Variants in ITPRID1 observed in about 807,000 individuals in gnomAD.
ITPRID1 encodes protein ITPRID1.
Under a neutral mutation model 95.4 loss-of-function variants are expected in ITPRID1, and 96 were observed. That is an observed-to-expected ratio of 1.01 (90% CI 0.85 to 1.19). The LOEUF is 1.19. Ranked by LOEUF, ITPRID1 falls within the 50% of genes most tolerant of loss-of-function variation. The probability of loss-of-function intolerance (pLI) is 0.00; values close to 1 mark genes in which losing one functional copy is unlikely to be tolerated. For missense variants in ITPRID1, 1,339 were observed against 1,252.9 expected (o/e 1.07, Z -1.04); for synonymous variants, 510 against 453.6 (o/e 1.12, Z -1.58).
At chr7:31,586,468 T>G (rs1323359588) in intron 10 of ITPRID1, among the ~76,000 whole-genome samples, 1 of 151,616 alleles carries the variant, frequency 6.6e-6, no homozygotes, top group African/African-American at 2.4e-5. Context: ...AGTGTAAAAG[T>G]ATTCCTATTT....
intron 7 of ITPRID1, among the ~76,000 whole-genome samples, chr7:31,573,909 A>G (rs531224466): frequency 6.6e-6 from 1 of 151,806 alleles, no homozygotes; most frequent in East Asian, 1.9e-4. Context: ...ATTTCCAGCT[A>G]ATTGATGTTT....
In ITPRID1 at chr7:31,553,153, G is replaced by C. The variant is rs1335448696; in HGVS notation, c.129G>C (p.Glu43Asp). ...ATGAGTGGCTGCCCCCTGACCCTGA[G>C]GAGGAAAGCCAGAGTCTCACCATCC... ...PLDEWLPPDP[E>D]EESQSLTIPM... The change falls in exon 3 of 15, where the codon GAG (glutamate) becomes GAC (aspartate). Residue 43 changes from glutamate (E) to aspartate (D), a missense_variant. Transcript: ENST00000615280. The C allele has an allele frequency of 6.3e-7, 1 of 1,589,344 alleles. No individual in the cohort carries two copies. The highest frequency in any genetic ancestry group is 1.1e-5 in the South Asian group (1 of 87,376).
intron 10 of ITPRID1, among the ~76,000 whole-genome samples, chr7:31,621,173 AAAAC>A (rs1185581501): frequency 1.9e-4 from 29 of 152,342 alleles, no homozygotes; most frequent in African/African-American, 5.3e-4. Context: ...ACCAAACTGG[AAAAC>A]AATCTGCAGG....
intron 10 of ITPRID1, among the ~76,000 whole-genome samples, chr7:31,620,878 A>G (rs1193727616): frequency 1.3e-5 from 2 of 152,078 alleles, no homozygotes; most frequent in Admixed American, 6.5e-5. Flanking sequence ...AGACGAATGT[A>G]TAACTAGAAT....
intron 12 of ITPRID1, among the ~76,000 whole-genome samples, chr7:31,650,849 C>A (rs963408263): frequency 2.0e-5 from 3 of 152,162 alleles, no homozygotes; most frequent in African/African-American, 7.2e-5. Flanking sequence ...CTACCTACAT[C>A]CTTGCATCCC....
intron 9 of ITPRID1, among the ~76,000 whole-genome samples, chr7:31,581,971 T>C (rs1785420721): frequency 6.6e-6 from 1 of 152,242 alleles, no homozygotes; most frequent in African/African-American, 2.4e-5. Context: ...TTGTTATGGT[T>C]GAGCTATATT....
intron 5 of ITPRID1, among the ~76,000 whole-genome samples, chr7:31,565,297 G>A (rs1784759018): frequency 6.6e-6 from 1 of 152,144 alleles, no homozygotes; most frequent in African/African-American, 2.4e-5. Flanking sequence ...TTAAAATGAG[G>A]TTCATCTTGT....
At chr7:31,626,495 T>G (rs1485402043) in intron 10 of ITPRID1, among the ~76,000 whole-genome samples, 1 of 152,260 alleles carries the variant, frequency 6.6e-6, no homozygotes, top group Non-Finnish European at 1.5e-5. Flanking sequence ...ATTTCCTTTC[T>G]GTAGTATGCT....
intron 10 of ITPRID1, among the ~76,000 whole-genome samples, chr7:31,600,266 A>G (rs1227387393): frequency 1.3e-5 from 2 of 152,244 alleles, no homozygotes; most frequent in Non-Finnish European, 2.9e-5. Context: ...GAAGGAATAT[A>G]ACAATATGTA....
intron 5 of ITPRID1, among the ~76,000 whole-genome samples, chr7:31,557,497 C>T (rs937224922): frequency 1.3e-5 from 2 of 152,114 alleles, no homozygotes; most frequent in African/African-American, 4.8e-5. Context: ...CTGTCATGGT[C>T]ATCTGCAGCT....
intron 10 of ITPRID1, among the ~76,000 whole-genome samples, chr7:31,593,830 A>G (rs939121922): frequency 1.4e-4 from 22 of 152,230 alleles, no homozygotes; most frequent in African/African-American, 4.1e-4. Flanking sequence ...TTTTAAAATT[A>G]TAGTACATCC....
At chr7:31,551,236 A>G (rs1186348992) in intron 2 of ITPRID1, among the ~76,000 whole-genome samples, 1 of 143,862 alleles carries the variant, frequency 7.0e-6, no homozygotes, top group Non-Finnish European at 1.6e-5. Context: ...ATTCATGCTC[A>G]CAAGATAAAG....
At chr7:31,588,187 G>C (rs927441447) in intron 10 of ITPRID1, among the ~76,000 whole-genome samples, 1 of 152,048 alleles carries the variant, frequency 6.6e-6, no homozygotes, top group Non-Finnish European at 1.5e-5. Flanking sequence ...CTACATAAAG[G>C]TACTGAAGAG....
intron 5 of ITPRID1, among the ~76,000 whole-genome samples, chr7:31,561,039 G>C (rs981885044): frequency 6.6e-6 from 1 of 152,086 alleles, no homozygotes; most frequent in Non-Finnish European, 1.5e-5. Context: ...AGTGTGTCAC[G>C]GTGGGAATGA....
chr7:31,578,769 C>T (rs981564119), intron 9 of ITPRID1, among the ~76,000 whole-genome samples: 7 of 152,240 alleles, frequency 4.6e-5, no homozygotes, highest in Non-Finnish European at 8.8e-5. Context: ...TTATCTTCTT[C>T]GAGGATCAGT....
intron 4 of ITPRID1, 89 bp downstream of exon 4, chr7:31,554,612 G>A: frequency 6.9e-7 from 1 of 1,451,760 alleles, no homozygotes; most frequent in African/African-American, 1.4e-5. Context: ...GGCAAGGTCG[G>A]GGAAGTGTAG....
At chr7:31,636,341 T>C (rs1789480491) in intron 10 of ITPRID1, among the ~76,000 whole-genome samples, 1 of 152,184 alleles carries the variant, frequency 6.6e-6, no homozygotes, top group East Asian at 1.9e-4. Context: ...TAACGTATAA[T>C]TTCATCCATT....
At chr7:31,642,373 T>A in intron 11 of ITPRID1, 115 bp downstream of exon 11, 1 of 743,118 alleles carries the variant, frequency 1.3e-6, no homozygotes. Context: ...AGGGGTGTTT[T>A]AAATCAAGCC....
At position 31,598,492 on chromosome 7, in the gene ITPRID1, C is replaced by T. The variant is rs578004117; in HGVS notation, c.1228+15301C>T. Among the ~76,000 whole-genome samples, 502 of 150,210 alleles carry T rather than the reference C, an allele frequency of 3.3e-3. 2 individuals carry two copies. The highest frequency in any genetic ancestry group is 9.7e-3 in the Admixed American group (146 of 15,072). On this transcript the variant is annotated intron_variant, in intron 10 of 14. Transcript: ENST00000615280. The stretch of plus-strand genomic sequence containing the variant: ...TATCTCGGCTCACTGCAAGCTCCGC[C>T]TCCCGGGTTCAGGCCATTCTCCTGC...
Sources: allele counts gnomAD v4.1 joint callset (sites outside exome capture counted in the v4.1 genomes callset), GRCh38; gene constraint gnomAD v4.1.1; transcripts MANE v1.5; gene names NCBI Gene and HGNC (gene_info 2026-07-23, HGNC 2026-07-21).